Variants in PDE3B observed in about 807,000 individuals in gnomAD.
The protein encoded by PDE3B is phosphodiesterase 3B.
A neutral mutation model predicts 116.8 loss-of-function variants in PDE3B; 66 were observed. The ratio of observed to expected loss-of-function variants is 0.56; its 90% CI spans 0.46 to 0.69. PDE3B has a LOEUF of 0.69. Among genes scored for constraint, PDE3B ranks in the 30% least tolerant of loss-of-function variants. The probability of loss-of-function intolerance (pLI) is 0.00; values close to 1 mark genes in which losing one functional copy is unlikely to be tolerated. For missense variants in PDE3B, 1,384 were observed against 1,368.1 expected, an observed-to-expected ratio of 1.01 and a Z score of -0.18; for synonymous variants, 595 against 533.6, an observed-to-expected ratio of 1.12 and a Z score of -1.59.
rs59557281 is a variant in PDE3B at position 14,654,787 on chromosome 11, T to TACACACACACACAC, written c.978+9766_978+9779dup. On this transcript the variant is annotated intron_variant, in intron 1 of 15. Transcript: ENST00000282096. ...TGTTTATATATACACAGCAGCTGTC[T>TACACACACACACAC]ACACACACACACACACACACACACA... Among the ~76,000 whole-genome samples the TACACACACACACAC allele has an allele frequency of 6.3e-5, 9 of 141,984 alleles. No individual in the cohort carries two copies. In the East Asian group the frequency reaches 8.3e-4, roughly 13 times the overall value. The allele number at this position is 141,984 out of a possible 152,430, so 93.1% of individuals were successfully genotyped here. A position where few individuals can be genotyped will look rare whatever the true frequency, so the allele number is the denominator to read the frequency against.
chr11:14,891,804 G>A, the PDE3B span: 6 of 1,415,208 alleles, frequency 4.2e-6, no homozygotes, highest in African/African-American at 1.5e-5. Context: ...AGGGGGCACG[G>A]CGTCGAGGAC....
chr11:14,672,026 A>AT lies in PDE3B; in HGVS notation c.978+26973_978+26974insT, dbSNP rs1471684842. Among the ~76,000 whole-genome samples, 544 of 118,034 alleles carry AT rather than the reference A, an allele frequency of 4.6e-3. 3 individuals carry two copies. The highest frequency in any genetic ancestry group is 7.0e-3 in the Non-Finnish European group (392 of 55,660). 77.4% of individuals were successfully genotyped at this position (118,034 alleles called of 152,430 possible). On this transcript the variant is annotated intron_variant, in intron 1 of 15. Transcript: ENST00000282096. ...AGTGAGACCTTGTCTTGAAAAAAAAAAAATATATATATATATATACATATA... is the reference window on the plus strand; with the variant it reads ...AGTGAGACCTTGTCTTGAAAAAAAAATAAATATATATATATATATACATATA...
At chr11:14,826,506 A>G (rs1318192200) in intron 7 of PDE3B, among the ~76,000 whole-genome samples, 1 of 152,166 alleles carries the variant, frequency 6.6e-6, no homozygotes, top group Non-Finnish European at 1.5e-5. Context: ...CACACAAACT[A>G]GAAAACCTAG....
chr11:14,869,382 C>A, intron 15 of PDE3B, 79 bp from the exon 16 acceptor site: 1 of 1,156,956 alleles, frequency 8.6e-7, no homozygotes, highest in Non-Finnish European at 1.2e-6. Context: ...GCTTAGATAC[C>A]TAGAATAGGC....
chr11:14,839,519 T>C (rs1056445008), intron 11 of PDE3B, among the ~76,000 whole-genome samples: 3 of 152,242 alleles, frequency 2.0e-5, no homozygotes, highest in Non-Finnish European at 4.4e-5. Flanking sequence ...GTGGTTACTC[T>C]AGTTGCTACA....
intron 7 of PDE3B, among the ~76,000 whole-genome samples, chr11:14,822,949 T>G (rs1326768918): frequency 6.6e-6 from 1 of 151,952 alleles, no homozygotes; most frequent in Non-Finnish European, 1.5e-5. Flanking sequence ...CCTTAGCCAT[T>G]GTTGCCTTCA....
At chr11:14,837,572 G>T (rs1013854065) in intron 11 of PDE3B, among the ~76,000 whole-genome samples, 3 of 152,146 alleles carry the variant, frequency 2.0e-5, no homozygotes, top group African/African-American at 7.2e-5. Flanking sequence ...TTCCTTCTGA[G>T]CATTCATTGG....
At chr11:14,669,467 T>G (rs1854298116) in intron 1 of PDE3B, among the ~76,000 whole-genome samples, 1 of 152,152 alleles carries the variant, frequency 6.6e-6, no homozygotes, top group Non-Finnish European at 1.5e-5. Flanking sequence ...TAACACTACC[T>G]TTTTTTAAAT....
In PDE3B at chr11:14,715,656, G is replaced by T. The variant is rs576257386; in HGVS notation, c.979-56281G>T. 2.6e-5 allele frequency among the ~76,000 whole-genome samples: 4 copies of T among 152,166 alleles called. No individual in the cohort carries two copies. The South Asian group carries it at 6.2e-4, about 24-fold the overall frequency. On this transcript the variant is annotated intron_variant, in intron 1 of 15. Coordinates refer to ENST00000282096, the MANE Select transcript of PDE3B (RefSeq NM_000922.4). ...AGTTGCCTATCAGCTTAAGATTTTG[G>T]GCTGAGACGATGGGGTTTTCTAAAT...
At chr11:14,782,372 A>G (rs1181448316) in intron 2 of PDE3B, among the ~76,000 whole-genome samples, 2 of 152,232 alleles carry the variant, frequency 1.3e-5, no homozygotes, top group African/African-American at 2.4e-5. Flanking sequence ...CTGCAAGCCT[A>G]CAGTAACCAA....
At chr11:14,882,090 T>C in the PDE3B span, among the ~76,000 whole-genome samples, 31,505 of 152,068 alleles carry the variant, frequency 0.21, 4,245 homozygotes, top group Admixed American at 0.35. Context: ...TAGTCCATTC[T>C]TTTTTCTATA....
At chr11:14,831,561 C>T in intron 8 of PDE3B, 79 bp from the exon 9 acceptor site, 2 of 836,970 alleles carry the variant, frequency 2.4e-6, no homozygotes, top group Non-Finnish European at 3.5e-6. Context: ...ATGTTTAATC[C>T]TAAGTGTTCT....
chr11:14,645,141 C>T, intron 1 of PDE3B, 88 bp downstream of exon 1: 3 of 526,990 alleles, frequency 5.7e-6, no homozygotes, highest in Non-Finnish European at 8.2e-6. Flanking sequence ...TATTTCAAAG[C>T]ATGTTAACTT....
intron 1 of PDE3B, chr11:14,698,950 C>T (rs1855288380): frequency 6.6e-6 from 1 of 151,886 alleles, no homozygotes; most frequent in South Asian, 2.1e-4. Context: ...TTAAGAAATA[C>T]CAGAAGTTGT....
At chr11:14,651,087 G>T (rs1041918838) in intron 1 of PDE3B, among the ~76,000 whole-genome samples, 10 of 152,164 alleles carry the variant, frequency 6.6e-5, no homozygotes, top group African/African-American at 1.9e-4. Context: ...CTGGAGGCCA[G>T]AAGTCCAAGA....
downstream of PDE3B, among the ~76,000 whole-genome samples, chr11:14,876,097 C>A (rs1170899829): frequency 6.6e-6 from 1 of 152,066 alleles, no homozygotes; most frequent in Non-Finnish European, 1.5e-5. Flanking sequence ...AGTAAAACTA[C>A]CTTAAAGTTC....
intron 4 of PDE3B, among the ~76,000 whole-genome samples, chr11:14,799,737 A>G (rs186515364): frequency 1.4e-5 from 2 of 142,602 alleles, no homozygotes; most frequent in East Asian, 4.2e-4. Flanking sequence ...TTTATCAGAG[A>G]TTAGGACTGC....
intron 12 of PDE3B, among the ~76,000 whole-genome samples, chr11:14,849,627 A>C (rs1188295138): frequency 6.6e-6 from 1 of 152,222 alleles, no homozygotes; most frequent in African/African-American, 2.4e-5. Flanking sequence ...CAATGAACTC[A>C]AACAAATTTA....
intron 2 of PDE3B, among the ~76,000 whole-genome samples, chr11:14,777,613 G>A (rs1004210844): frequency 1.3e-5 from 2 of 152,156 alleles, no homozygotes; most frequent in Admixed American, 6.5e-5. Flanking sequence ...TTGAAGAGGT[G>A]GAAGAAAATG....
Sources: allele counts gnomAD v4.1 joint callset (sites outside exome capture counted in the v4.1 genomes callset), GRCh38; gene constraint gnomAD v4.1.1; transcripts MANE v1.5; gene names NCBI Gene and HGNC (gene_info 2026-07-23, HGNC 2026-07-21).